Variants in TANC2 observed in about 807,000 individuals in gnomAD.
TANC2 encodes the protein tetratricopeptide repeat, ankyrin repeat and coiled-coil containing 2.
A neutral mutation model predicts 210.5 loss-of-function variants in TANC2; 26 were observed. The ratio of observed to expected loss-of-function variants is 0.12; its 90% CI spans 0.09 to 0.17. TANC2 has a LOEUF of 0.17. Ranked by LOEUF, TANC2 falls within the 10% of genes least tolerant of loss-of-function variation. The pLI is 1.00. For synonymous variants in TANC2, 931 were observed against 967.1 expected (o/e 0.96, Z 0.69); for missense variants, 2,129 against 2,608.9 (o/e 0.82, Z 4.01).
At chr17:63,174,891 A>C (rs4968755) in intron 5 of TANC2, among the ~76,000 whole-genome samples, 1 of 152,000 alleles carries the variant, frequency 6.6e-6, no homozygotes, top group South Asian at 2.1e-4. Context: ...ACAGCATCCA[A>C]TATCATAAAA....
At chr17:63,049,338 G>C (rs956144380) in intron 2 of TANC2, among the ~76,000 whole-genome samples, 3 of 152,104 alleles carry the variant, frequency 2.0e-5, no homozygotes, top group African/African-American at 7.2e-5. Context: ...AATAAAGCAA[G>C]GAAGAAGTAA....
exon 28 of TANC2, chr17:63,422,054 G>A: frequency 7.0e-7 from 1 of 1,438,020 alleles, no homozygotes; most frequent in East Asian, 2.3e-5. Context: ...TTCTCATGTA[G>A]TTTCTGTGTG....
At chr17:63,164,529 T>C (rs1353017480) in intron 5 of TANC2, among the ~76,000 whole-genome samples, 1 of 152,122 alleles carries the variant, frequency 6.6e-6, no homozygotes, top group Non-Finnish European at 1.5e-5. Context: ...ACCAATAGGT[T>C]ATAGATAAAG....
intron 7 of TANC2, among the ~76,000 whole-genome samples, chr17:63,208,502 CT>C: frequency 6.6e-6 from 1 of 152,314 alleles, no homozygotes; most frequent in Admixed American, 6.5e-5. Flanking sequence ...ATTCTGTACC[CT>C]TTCTTCTCCC....
At chr17:62,984,682 A>AT (rs1261939345) in intron 1 of TANC2, among the ~76,000 whole-genome samples, 2 of 152,042 alleles carry the variant, frequency 1.3e-5, no homozygotes, top group Non-Finnish European at 2.9e-5. Context: ...GTTTTAAGGA[A>AT]TTTTAAATTT....
intron 13 of TANC2, among the ~76,000 whole-genome samples, chr17:63,352,896 A>G (rs915833200): frequency 6.6e-6 from 1 of 152,158 alleles, no homozygotes; most frequent in African/African-American, 2.4e-5. Flanking sequence ...CCTAAAGCTT[A>G]TATTTTAGTA....
At chr17:63,049,000 G>A (rs190621268) in intron 2 of TANC2, among the ~76,000 whole-genome samples, 92 of 152,104 alleles carry the variant, frequency 6.0e-4, no homozygotes, top group South Asian at 3.7e-3. Context: ...TTAGTAAAAC[G>A]GAATATTATT....
intron 9 of TANC2, among the ~76,000 whole-genome samples, chr17:63,292,907 C>T (rs1181561783): frequency 6.6e-6 from 1 of 152,154 alleles, no homozygotes; most frequent in Non-Finnish European, 1.5e-5. Context: ...CACAGAGATA[C>T]GATGCAAACT....
intron 2 of TANC2, among the ~76,000 whole-genome samples, chr17:63,045,036 C>T (rs527696522): frequency 6.6e-6 from 1 of 152,206 alleles, no homozygotes; most frequent in African/African-American, 2.4e-5. Flanking sequence ...ATGGTTTTCC[C>T]ATTTATTTTC....
At position 63,263,036 on chromosome 17, in the gene TANC2, A is replaced by G. The variant is rs573500832; in HGVS notation, c.1034-4712A>G. On this transcript the variant is annotated intron_variant, in intron 8 of 27. Transcript: ENST00000689528. ...TTCAAATACTTATTTCTTTATAGAA[A>G]TTATATCTACAATTTGGATAAATTC... 3.3e-3 allele frequency among the ~76,000 whole-genome samples: 502 copies of G among 152,290 alleles called. 4 individuals carry two copies. Among genetic ancestry groups the G allele is most frequent in the African/African-American group, 0.011 (466 of 41,560 alleles).
At chr17:63,417,239 C>T (rs2048892168) in intron 26 of TANC2, among the ~76,000 whole-genome samples, 1 of 152,120 alleles carries the variant, frequency 6.6e-6, no homozygotes, top group South Asian at 2.1e-4. Flanking sequence ...AATTTTTTTA[C>T]CTATGCCCCA....
intron 9 of TANC2, among the ~76,000 whole-genome samples, chr17:63,278,900 A>G (rs1425213130): frequency 6.6e-6 from 1 of 152,140 alleles, no homozygotes; most frequent in Non-Finnish European, 1.5e-5. Context: ...TAAAGTAACC[A>G]TCAGAATAGA....
chr17:63,300,021 A>C (rs1433342498), intron 9 of TANC2, among the ~76,000 whole-genome samples: 1 of 152,114 alleles, frequency 6.6e-6, no homozygotes, highest in Non-Finnish European at 1.5e-5. Context: ...TTTTCCCAGC[A>C]CCATTTATTA....
rs373917475 is a variant in TANC2 at position 63,083,440 on chromosome 17, G to C, written c.139+9426G>C. On this transcript the variant is annotated intron_variant, in intron 3 of 27. Coordinates refer to ENST00000689528, the Ensembl canonical transcript of TANC2. ...ACTGGGATGGAAGAAAAGGGGGAAA[G>C]GGAAAAAAAGGGGGAGATTTCCTCC... Among the ~76,000 whole-genome samples, 32 of 152,060 alleles carry C rather than the reference G, an allele frequency of 2.1e-4. 1 individual carries two copies. Among genetic ancestry groups the C allele is most frequent in the East Asian group, 1.4e-3 (7 of 5,170 alleles).
chr17:62,978,699 A>G (rs1044796591), intron 1 of TANC2: 2 of 152,154 alleles, frequency 1.3e-5, no homozygotes, highest in Admixed American at 6.6e-5. Context: ...TGCCTTGGAA[A>G]TGTTGGCCTG....
chr17:63,065,504 G>A (rs1179362926), intron 2 of TANC2, among the ~76,000 whole-genome samples: 1 of 151,904 alleles, frequency 6.6e-6, no homozygotes, highest in African/African-American at 2.4e-5. Context: ...TTCTATAATC[G>A]CTGTACTAAT....
At chr17:63,416,226 C>G (rs1246002699) in intron 26 of TANC2, among the ~76,000 whole-genome samples, 1 of 152,198 alleles carries the variant, frequency 6.6e-6, no homozygotes. Context: ...CCTTTATCGT[C>G]TCCCTGGTAA....
chr17:63,220,836 ATG>A (rs976594297), intron 7 of TANC2, among the ~76,000 whole-genome samples: 1 of 149,190 alleles, frequency 6.7e-6, no homozygotes, highest in Non-Finnish European at 1.5e-5. Flanking sequence ...ATATGTATAT[ATG>A]TGTGTATATA....
intron 16 of TANC2, 76 bp downstream of exon 16, chr17:63,388,833 CTATT>C (rs2047869220): frequency 1.8e-6 from 2 of 1,127,710 alleles, no homozygotes; most frequent in Admixed American, 3.2e-5. Flanking sequence ...CATTAAGTAG[CTATT>C]TAGTTGATCT....
Sources: allele counts gnomAD v4.1 joint callset (sites outside exome capture counted in the v4.1 genomes callset), GRCh38; gene constraint gnomAD v4.1.1; transcripts MANE v1.5; gene names NCBI Gene and HGNC (gene_info 2026-07-23, HGNC 2026-07-21).